MAPKAPK2: variants seen among roughly 807,000 people sequenced by gnomAD.
MAPKAPK2 encodes the protein MAPK activated protein kinase 2, also known as MAP kinase-activated protein kinase 2.
A neutral mutation model predicts 48.8 loss-of-function variants in MAPKAPK2; 9 were observed. The observed-to-expected ratio is 0.18, with a 90% CI of 0.11 to 0.32. The LOEUF (loss-of-function observed/expected upper bound fraction) is 0.32. Ranked by LOEUF, MAPKAPK2 falls within the 10% of genes least tolerant of loss-of-function variation. The pLI, the probability that MAPKAPK2 is intolerant of heterozygous loss-of-function variation, is 1.00. For synonymous variants in MAPKAPK2, 202 were observed against 190.6 expected, an observed-to-expected ratio of 1.06 and a Z score of -0.49; for missense variants, 331 against 498.3, an observed-to-expected ratio of 0.66 and a Z score of 3.20.
At chr1:206,714,490 C>T (rs1553430030) in intron 1 of MAPKAPK2, among the ~76,000 whole-genome samples, 1 of 152,002 alleles carries the variant, frequency 6.6e-6, no homozygotes, top group African/African-American at 2.4e-5. Flanking sequence ...CGGCTGGACG[C>T]AGTGGCTCAT....
intron 1 of MAPKAPK2, among the ~76,000 whole-genome samples, chr1:206,725,306 C>T (rs1456887620): frequency 6.6e-6 from 1 of 152,192 alleles, no homozygotes; most frequent in Non-Finnish European, 1.5e-5. Context: ...TCACTTAGCA[C>T]AGCTCTGGTT....
chr1:206,732,766 A>G lies in MAPKAPK2; in HGVS notation c.*48A>G, dbSNP rs782687313. ...GGGAGGACAAGCAATAACTCTCTAC[A>G]GGAATATATTTTTTAAACGAAGAGA... On this transcript the variant is annotated 3_prime_UTR_variant, in exon 10 of 10. Coordinates refer to ENST00000367103, the MANE Select transcript of MAPKAPK2 (RefSeq NM_032960.4). The surrounding 1 kb of genome is among the most constrained non-coding windows in gnomAD (Gnocchi z 4.4). 1 of 1,599,928 alleles carries G rather than the reference A, an allele frequency of 6.3e-7. No individual in the cohort carries two copies. Among genetic ancestry groups the G allele is most frequent in the Non-Finnish European group, 8.5e-7 (1 of 1,171,518 alleles).
At chr1:206,696,447 T>C (rs1484510345) in intron 1 of MAPKAPK2, among the ~76,000 whole-genome samples, 1 of 152,210 alleles carries the variant, frequency 6.6e-6, no homozygotes, top group Admixed American at 6.5e-5. Flanking sequence ...CTCACGCCTG[T>C]AATCTCAGTG....
At chr1:206,700,296 G>A (rs1553427724) in intron 1 of MAPKAPK2, among the ~76,000 whole-genome samples, 1 of 152,134 alleles carries the variant, frequency 6.6e-6, no homozygotes, top group Non-Finnish European at 1.5e-5. Context: ...AGGTGAGAGA[G>A]CTGTTGCATC....
chr1:206,692,937 C>G (rs556342997), intron 1 of MAPKAPK2, among the ~76,000 whole-genome samples: 2 of 152,286 alleles, frequency 1.3e-5, no homozygotes, highest in East Asian at 1.9e-4. Flanking sequence ...CTGTTGATGC[C>G]TTCTCTCTGG....
chr1:206,712,226 G>A (rs1673179933), intron 1 of MAPKAPK2, among the ~76,000 whole-genome samples: 1 of 152,170 alleles, frequency 6.6e-6, no homozygotes, highest in Non-Finnish European at 1.5e-5. Flanking sequence ...ATCTTACTGA[G>A]TCAGGTACAA....
chr1:206,687,066 C>A (rs1672307617), intron 1 of MAPKAPK2, among the ~76,000 whole-genome samples: 2 of 152,138 alleles, frequency 1.3e-5, no homozygotes, highest in Admixed American at 6.5e-5. Flanking sequence ...CCACAGTTAA[C>A]CTGTATCATT....
At chr1:206,724,638 C>G (rs1305327593) in intron 1 of MAPKAPK2, among the ~76,000 whole-genome samples, 2 of 149,058 alleles carry the variant, frequency 1.3e-5, no homozygotes, top group Non-Finnish European at 3.0e-5. Flanking sequence ...GAAATTCTTG[C>G]TAAGTTTCTC....
rs1672256561 is a variant in MAPKAPK2, at chr1:206,685,449, A to G, written c.220A>G (p.Ile74Val). The change falls in exon 1 of 10, where the codon ATC (isoleucine) becomes GTC (valine). Residue 74 changes from isoleucine to valine, a missense_variant. Ile to Val is a conservative substitution (Grantham distance 29, BLOSUM62 3). Around this residue, in one of 4 missense-constraint regions of MAPKAPK2, gnomAD observed 93 missense variants for 81.0 expected, o/e 1.15. Coordinates refer to ENST00000367103, the MANE Select transcript of MAPKAPK2 (RefSeq NM_032960.4). ...CACCAGCCAGGTCCTGGGGCTGGGC[A>G]TCAACGGCAAAGTTTTGCAGATCTT... is the stretch of plus-strand genomic sequence containing the variant. ...KVTSQVLGLG[I>V]NGKVLQIFNK... 2 of 1,544,064 alleles carry G rather than the reference A, an allele frequency of 1.3e-6. No individual in the cohort carries two copies. The highest frequency in any genetic ancestry group is 2.6e-5 in the East Asian group (1 of 37,744).
chr1:206,723,188 C>G (rs527576178), intron 1 of MAPKAPK2, among the ~76,000 whole-genome samples: 1 of 152,344 alleles, frequency 6.6e-6, no homozygotes, highest in South Asian at 2.1e-4. Context: ...TGCTTTCCTC[C>G]CCGTGTCCTG....
chr1:206,711,481 C>A lies in MAPKAPK2; in HGVS notation c.280-17229C>A, dbSNP rs375658602. On this transcript the variant is annotated intron_variant, in intron 1 of 9. Transcript: ENST00000367103. Reference sequence around the variant, plus strand: ...GGCTAGGCTGGTCTCGAACTCCTGACCTCAAGTGACCCACCCACCTCGGCC... The same window carrying A: ...GGCTAGGCTGGTCTCGAACTCCTGAACTCAAGTGACCCACCCACCTCGGCC... Among the ~76,000 whole-genome samples the A allele has an allele frequency of 2.0e-5, 3 of 152,180 alleles. No homozygotes were observed. In the South Asian group the frequency reaches 6.2e-4, roughly 32 times the overall value.
intron 1 of MAPKAPK2, among the ~76,000 whole-genome samples, chr1:206,689,543 G>A (rs970562600): frequency 1.3e-5 from 2 of 152,204 alleles, no homozygotes; most frequent in Non-Finnish European, 2.9e-5. Context: ...ATGCAATATG[G>A]TTACAGGTAG....
At chr1:206,717,357 G>A (rs1339140594) in intron 1 of MAPKAPK2, among the ~76,000 whole-genome samples, 4 of 152,104 alleles carry the variant, frequency 2.6e-5, no homozygotes, top group South Asian at 2.1e-4. Flanking sequence ...TAATTGATGC[G>A]GTTGAAATGA....
In MAPKAPK2 at chr1:206,700,740, A is replaced by C. The variant is rs372764482; in HGVS notation, c.279+15232A>C. ...TCTCTCTTTCCCTCTTTTGAGATTC[A>C]ATTTCTCTCCCTTGGACTTCTATAC... On this transcript the variant is annotated intron_variant, in intron 1 of 9. Transcript: ENST00000367103. 3.3e-4 allele frequency among the ~76,000 whole-genome samples: 50 copies of C among 152,296 alleles called. 1 individual carries two copies. In the South Asian group the frequency reaches 0.01, roughly 32 times the overall value.
In MAPKAPK2 at chr1:206,734,234, GT is replaced by G. The variant is rs1488978505; in HGVS notation, c.*1518del. On this transcript the variant is annotated 3_prime_UTR_variant, in exon 10 of 10. Coordinates refer to ENST00000367103, the MANE Select transcript of MAPKAPK2 (RefSeq NM_032960.4). ...GTCCAGCACTCGATTGTTGTAAACT[GT>G]TGTTTTGTATGAGCGAAATTGTCTT... The G allele has an allele frequency of 6.5e-6, 1 of 152,842 alleles. No individual in the cohort carries two copies. Among genetic ancestry groups the G allele is most frequent in the Admixed American group, 6.5e-5 (1 of 15,294 alleles). 9.5% of individuals were successfully genotyped at this position (152,842 alleles called of 1,614,324 possible).
At chr1:206,699,242 G>T (rs1393388508) in intron 1 of MAPKAPK2, among the ~76,000 whole-genome samples, 1 of 152,200 alleles carries the variant, frequency 6.6e-6, no homozygotes, top group African/African-American at 2.4e-5. Context: ...TCTGAAGGAA[G>T]AGTTTCAGGG....
intron 1 of MAPKAPK2, among the ~76,000 whole-genome samples, chr1:206,718,554 A>AAT (rs1553430768): frequency 1.3e-5 from 2 of 148,212 alleles, no homozygotes; most frequent in African/African-American, 5.0e-5. Context: ...AAAAAAAAAA[A>AAT]TAGGATGTTA....
intron 1 of MAPKAPK2, among the ~76,000 whole-genome samples, chr1:206,711,318 C>T (rs1219222066): frequency 2.6e-5 from 4 of 152,220 alleles, no homozygotes; most frequent in Admixed American, 6.5e-5. Flanking sequence ...GGCGCTATCT[C>T]AGCCCACTGC....
chr1:206,723,162 C>T (rs1199901591), intron 1 of MAPKAPK2, among the ~76,000 whole-genome samples: 1 of 152,188 alleles, frequency 6.6e-6, no homozygotes, highest in African/African-American at 2.4e-5. Context: ...GTGTACAGGG[C>T]TGGGATGCCA....
Sources: allele counts gnomAD v4.1 joint callset (sites outside exome capture counted in the v4.1 genomes callset), GRCh38; gene constraint gnomAD v4.1.1; regional missense constraint gnomAD v4.1.1; non-coding constraint Gnocchi (gnomAD v3.1); transcripts MANE v1.5; gene names NCBI Gene and HGNC (gene_info 2026-07-23, HGNC 2026-07-21).